UMAD1: variants seen among roughly 807,000 people sequenced by gnomAD.
The protein encoded by UMAD1 is UBAP1-MVB12-associated (UMA)-domain containing protein 1.
Under a neutral mutation model 6.1 loss-of-function variants are expected in UMAD1, and 8 were observed. The ratio of observed to expected loss-of-function variants is 1.30; its 90% CI spans 0.76 to 2.35. The LOEUF (loss-of-function observed/expected upper bound fraction) is 2.35. UMAD1 is among the 30% of genes most tolerant of loss of function. UMAD1 has a pLI of 0.00. For synonymous variants in UMAD1, 56 were observed against 31.4 expected (o/e 1.78, Z -2.61); for missense variants, 130 against 78.4 (o/e 1.66, Z -2.49).
intron 2 of UMAD1, among the ~76,000 whole-genome samples, chr7:7,793,516 G>A (rs1782610835): frequency 6.6e-6 from 1 of 152,126 alleles, no homozygotes; most frequent in Non-Finnish European, 1.5e-5. Context: ...CTAATTGGTG[G>A]AATTTGTGGG....
intron 3 of UMAD1, among the ~76,000 whole-genome samples, chr7:7,852,443 G>C (rs73057773): frequency 0.14 from 20,885 of 152,126 alleles, 2,019 homozygotes; most frequent in Non-Finnish European, 0.19. Flanking sequence ...CCACACCTCA[G>C]ACAACAGTCA....
chr7:7,662,356 A>G (rs958705232), intron 1 of UMAD1, among the ~76,000 whole-genome samples: 3 of 152,110 alleles, frequency 2.0e-5, no homozygotes, highest in South Asian at 2.1e-4. Context: ...CCAGTGGGGT[A>G]TGAAAAAAGA....
At chr7:7,651,078 C>T (rs1420789215) in intron 1 of UMAD1, among the ~76,000 whole-genome samples, 2 of 152,162 alleles carry the variant, frequency 1.3e-5, no homozygotes. Context: ...TACCAGAGCA[C>T]ATTTTTCTGG....
At chr7:7,805,630 C>T (rs1431159060) in intron 3 of UMAD1, among the ~76,000 whole-genome samples, 3 of 152,126 alleles carry the variant, frequency 2.0e-5, no homozygotes, top group Non-Finnish European at 4.4e-5. Context: ...TTGCAGTGGG[C>T]TACAAGGAAC....
chr7:7,778,405 A>G (rs1782270064), intron 2 of UMAD1, among the ~76,000 whole-genome samples: 1 of 151,980 alleles, frequency 6.6e-6, no homozygotes, highest in Non-Finnish European at 1.5e-5. Flanking sequence ...CTGTAGATTT[A>G]AAGTTTTTCT....
chr7:7,794,228 C>G (rs1402736232), intron 2 of UMAD1, among the ~76,000 whole-genome samples: 2 of 152,190 alleles, frequency 1.3e-5, no homozygotes, highest in Non-Finnish European at 2.9e-5. Context: ...CAGTCCACAA[C>G]AGCCCATTTC....
intron 3 of UMAD1, among the ~76,000 whole-genome samples, chr7:7,862,320 A>G (rs1464668711): frequency 1.3e-5 from 2 of 152,130 alleles, no homozygotes; most frequent in Non-Finnish European, 2.9e-5. Context: ...TTTATGTTTC[A>G]CTGAAATGAG....
chr7:7,831,344 C>T (rs889150243), intron 3 of UMAD1, among the ~76,000 whole-genome samples: 1 of 152,170 alleles, frequency 6.6e-6, no homozygotes, highest in African/African-American at 2.4e-5. Context: ...CATATCAATT[C>T]TCTGTACTCT....
rs151331968 is a variant in UMAD1 at position 7,873,319 on chromosome 7, A to G, written c.157-3962A>G. 2.5e-3 allele frequency among the ~76,000 whole-genome samples: 376 copies of G among 152,244 alleles called. 3 individuals are homozygous for G. The highest frequency in any genetic ancestry group is 8.5e-3 in the African/African-American group (355 of 41,524). On this transcript the variant is annotated intron_variant, in intron 3 of 3. Transcript: ENST00000682710. Reference sequence around the variant, plus strand: ...AAGCCCCGGTGCATATGGAATCTTGAGGTTTTATGGTGCACCCAAACGTTG... The same window carrying G: ...AAGCCCCGGTGCATATGGAATCTTGGGGTTTTATGGTGCACCCAAACGTTG...
chr7:7,867,261 G>C (rs2115337513), intron 3 of UMAD1, among the ~76,000 whole-genome samples: 1 of 152,308 alleles, frequency 6.6e-6, no homozygotes, highest in East Asian at 1.9e-4. Context: ...GAACTCTAGA[G>C]AGAAATCCGA....
chr7:7,798,689 C>A (rs1169483870), intron 2 of UMAD1, among the ~76,000 whole-genome samples: 1 of 152,162 alleles, frequency 6.6e-6, no homozygotes, highest in African/African-American at 2.4e-5. Flanking sequence ...CTAGTTTCCT[C>A]CCACCTTGGC....
chr7:7,705,819 G>A (rs867951452), intron 2 of UMAD1, among the ~76,000 whole-genome samples: 3 of 152,118 alleles, frequency 2.0e-5, no homozygotes, highest in Non-Finnish European at 2.9e-5. Flanking sequence ...GTCAGTGTAT[G>A]TTCATCAATT....
intron 2 of UMAD1, among the ~76,000 whole-genome samples, chr7:7,738,124 G>A (rs1415183008): frequency 6.6e-6 from 1 of 152,092 alleles, no homozygotes; most frequent in African/African-American, 2.4e-5. Context: ...AGGGTCTGTA[G>A]AATATTAAAC....
At chr7:7,649,089 T>G (rs1583691792) in intron 1 of UMAD1, among the ~76,000 whole-genome samples, 1 of 133,380 alleles carries the variant, frequency 7.5e-6, no homozygotes, top group Non-Finnish European at 1.5e-5. Flanking sequence ...ACCCAGGAAG[T>G]GGAGATTGCA....
intron 1 of UMAD1, among the ~76,000 whole-genome samples, chr7:7,654,148 G>C (rs929295283): frequency 2.6e-5 from 4 of 152,102 alleles, no homozygotes; most frequent in Non-Finnish European, 4.4e-5. Context: ...CAATTAAAAA[G>C]AAAACAAACA....
At chr7:7,818,920 G>A (rs1015409099) in intron 3 of UMAD1, among the ~76,000 whole-genome samples, 1 of 152,156 alleles carries the variant, frequency 6.6e-6, no homozygotes, top group African/African-American at 2.4e-5. Flanking sequence ...CACAGTCTCT[G>A]CTCACTGCAG....
At chr7:7,799,141 AT>A (rs1215199118) in intron 2 of UMAD1, among the ~76,000 whole-genome samples, 2 of 152,108 alleles carry the variant, frequency 1.3e-5, no homozygotes, top group Non-Finnish European at 2.9e-5. Flanking sequence ...AAATAACTGA[AT>A]TTTTACCATA....
At chr7:7,796,264 T>TTTTTTC in intron 2 of UMAD1, among the ~76,000 whole-genome samples, 1 of 138,780 alleles carries the variant, frequency 7.2e-6, no homozygotes, top group African/African-American at 3.0e-5. Flanking sequence ...TTTTTTTTTT[T>TTTTTTC]TTTTGAGATG....
In UMAD1 at chr7:7,877,756, T is replaced by C. The variant is rs1220257142; in HGVS notation, c.*218T>C. 4 of 515,494 alleles carry C rather than the reference T, an allele frequency of 7.8e-6. No homozygotes were observed. The highest frequency in any genetic ancestry group is 1.9e-5 in the African/African-American group (1 of 52,210). 31.9% of individuals were successfully genotyped at this position (515,494 alleles called of 1,614,324 possible). A position where few individuals can be genotyped will look rare whatever the true frequency, so the allele number is the denominator to read the frequency against. On this transcript the variant is annotated 3_prime_UTR_variant, in exon 4 of 4. Coordinates refer to ENST00000682710, the MANE Select transcript of UMAD1 (RefSeq NM_001302348.2). The stretch of plus-strand genomic sequence containing the variant: ...CTTCCTTTCTCCCATATAATAAATA[T>C]ACAAATTAGGCTATGAAGGTTTTAG...
Sources: allele counts gnomAD v4.1 joint callset (sites outside exome capture counted in the v4.1 genomes callset), GRCh38; gene constraint gnomAD v4.1.1; transcripts MANE v1.5; gene names NCBI Gene and HGNC (gene_info 2026-07-23, HGNC 2026-07-21).